The following HHIP variants were observed in gnomAD, a reference collection of about 807,000 sequenced individuals.
HHIP encodes hedgehog-interacting protein.
HHIP carries 12 observed loss-of-function variants against 74.0 expected under a neutral mutation model. That is an observed-to-expected ratio of 0.16 (90% CI 0.10 to 0.26). HHIP has a LOEUF of 0.26. Among genes scored for constraint, HHIP ranks in the 10% least tolerant of loss-of-function variants. The probability of loss-of-function intolerance (pLI) is 1.00; values close to 1 mark genes in which losing one functional copy is unlikely to be tolerated. For missense variants in HHIP, 788 were observed against 845.0 expected (o/e 0.93, Z 0.84); for synonymous variants, 309 against 311.6 (o/e 0.99, Z 0.09).
In HHIP at chr4:144,735,812, C is replaced by G. The variant is rs372560869; in HGVS notation, c.1909+923C>G. On this transcript the variant is annotated intron_variant, in intron 12 of 12. Transcript: ENST00000296575. ...TATAACTTGTCTATTTTTATATTGC[C>G]TAACAAAAAAACCAACATTTAAAAC... Among the ~76,000 whole-genome samples the G allele has an allele frequency of 2.0e-5, 3 of 151,764 alleles. No individual in the cohort carries two copies. The East Asian group carries it at 5.8e-4, about 29-fold the overall frequency.
intron 1 of HHIP, chr4:144,650,657 A>G (rs1197328232): frequency 6.6e-6 from 1 of 152,130 alleles, no homozygotes; most frequent in African/African-American, 2.4e-5. Context: ...ATCTTCAAAT[A>G]GGTATTTACA....
Position 144,734,778 on chromosome 4 carries a change from C to T in HHIP, c.1798C>T (p.Pro600Ser), listed in dbSNP as rs201501756. Residue 600 changes from proline to serine, a missense_variant, in exon 12 of 13, where the codon CCT becomes TCT. By Grantham distance (74) the Pro-to-Ser change is moderately conservative (BLOSUM62 -1). Coordinates refer to ENST00000296575, the MANE Select transcript of HHIP (RefSeq NM_022475.3). ...MPEECRATVQ[P>S]AQTLTSECSR... ...TGAGGAATGCAGAGCCACGGTACAA[C>T]CTGCACAGACACTGACTTCAGAGTG... The T allele has an allele frequency of 1.6e-5, 25 of 1,609,894 alleles. No individual in the cohort carries two copies. The highest frequency in any genetic ancestry group is 2.0e-5 in the Non-Finnish European group (24 of 1,176,958).
chr4:144,650,217 C>G (rs1029834527), intron 1 of HHIP, among the ~76,000 whole-genome samples: 1 of 152,048 alleles, frequency 6.6e-6, no homozygotes, highest in Non-Finnish European at 1.5e-5. Context: ...TGTGTATCCC[C>G]TATTTATCTT....
intron 2 of HHIP, among the ~76,000 whole-genome samples, chr4:144,655,753 CT>C (rs1021442702): frequency 5.3e-5 from 8 of 151,088 alleles, no homozygotes; most frequent in Non-Finnish European, 8.9e-5. Flanking sequence ...GAGTCAGTAA[CT>C]TTTTTTTCCT....
chr4:144,674,787 C>A (rs1380367902), intron 4 of HHIP, among the ~76,000 whole-genome samples: 1 of 152,136 alleles, frequency 6.6e-6, no homozygotes, highest in African/African-American at 2.4e-5. Flanking sequence ...CCCACTTAAT[C>A]ATGCTTCTTA....
At chr4:144,670,764 G>GAAAAAAAAAAAAAAAAAAAA (rs1167213848) in intron 4 of HHIP, among the ~76,000 whole-genome samples, 1 of 54,888 alleles carries the variant, frequency 1.8e-5, no homozygotes, top group Non-Finnish European at 3.2e-5. Flanking sequence ...CTTAAGATTT[G>GAAAAAAAAAAAAAAAAAAAA]AAAAAAAAAA....
chr4:144,649,631 C>A (rs900825600), intron 1 of HHIP, among the ~76,000 whole-genome samples: 4 of 152,156 alleles, frequency 2.6e-5, no homozygotes, highest in Admixed American at 2.6e-4. Flanking sequence ...GAATCTGCAA[C>A]CAACTGAAAT....
Position 144,707,174 on chromosome 4 carries a change from G to C in HHIP, c.1071G>C (p.Leu357=). The C allele has an allele frequency of 6.2e-7, 1 of 1,613,964 alleles. No individual in the cohort carries two copies. The highest frequency in any genetic ancestry group is 8.5e-7 in the Non-Finnish European group (1 of 1,179,866). ...ELHRKHLGGQ[L]LFGPDGFLYI... Reference sequence around the variant, plus strand: ...ACAGAAAGCATCTGGGAGGACAACTGCTCTTTGGCCCTGACGGCTTTTTGT... The same window carrying C: ...ACAGAAAGCATCTGGGAGGACAACTCCTCTTTGGCCCTGACGGCTTTTTGT... Residue 357 remains leucine, a synonymous_variant, in exon 6 of 13, where the codon CTG becomes CTC. Transcript: ENST00000296575.
intron 4 of HHIP, among the ~76,000 whole-genome samples, chr4:144,666,285 G>C (rs1477581385): frequency 6.8e-6 from 1 of 146,976 alleles, no homozygotes; most frequent in Non-Finnish European, 1.5e-5. Flanking sequence ...GTGTGTGTGT[G>C]TGTGTGTGTG....
At chr4:144,660,593 A>G (rs991182483) in intron 4 of HHIP, among the ~76,000 whole-genome samples, 3 of 152,132 alleles carry the variant, frequency 2.0e-5, no homozygotes, top group East Asian at 1.9e-4. Flanking sequence ...CTGAAAAAAA[A>G]AAACCTGAAG....
At chr4:144,719,825 A>T (rs1296033250) in intron 11 of HHIP, among the ~76,000 whole-genome samples, 1 of 152,216 alleles carries the variant, frequency 6.6e-6, no homozygotes, top group East Asian at 1.9e-4. Flanking sequence ...TACTATTTTC[A>T]TGACTCCATT....
chr4:144,693,840 T>C (rs1200480852), intron 4 of HHIP, among the ~76,000 whole-genome samples: 1 of 151,896 alleles, frequency 6.6e-6, no homozygotes, highest in African/African-American at 2.4e-5. Context: ...TGGTCAGAAA[T>C]ATATATTATT....
intron 1 of HHIP, among the ~76,000 whole-genome samples, chr4:144,650,174 G>C (rs1385956681): frequency 6.6e-6 from 1 of 152,014 alleles, no homozygotes; most frequent in African/African-American, 2.4e-5. Flanking sequence ...TTTACTATTT[G>C]TTGATAAGCT....
At chr4:144,652,947 T>C (rs1728463466) in intron 2 of HHIP, 150 bp downstream of exon 2, 1 of 558,550 alleles carries the variant, frequency 1.8e-6, no homozygotes. Context: ...TCCAAATTTA[T>C]AACTTTTACT....
Position 144,734,726 on chromosome 4 carries a change from T to G in HHIP, c.1761-15T>G. On this transcript the variant is annotated splice_polypyrimidine_tract_variant and intron_variant, in intron 11 of 12. Transcript: ENST00000296575. ...TCAAATGGAATACACTTTCAACTAT[T>G]GTGTTTTAATGTAGACCTTTAATGC... 1 of 1,526,262 alleles carries G rather than the reference T, an allele frequency of 6.6e-7. No individual in the cohort carries two copies. Among genetic ancestry groups the G allele is most frequent in the Non-Finnish European group, 8.9e-7 (1 of 1,118,546 alleles). 94.5% of individuals were successfully genotyped at this position (1,526,262 alleles called of 1,614,324 possible).
chr4:144,666,974 A>G (rs1728881549), intron 4 of HHIP, among the ~76,000 whole-genome samples: 1 of 152,206 alleles, frequency 6.6e-6, no homozygotes. Flanking sequence ...ACATACTAAC[A>G]TAAAAAGGAG....
At position 144,738,341 on chromosome 4, in the gene HHIP, G is replaced by C; in HGVS notation, c.*384G>C. 2 of 981,606 alleles carry C rather than the reference G, an allele frequency of 2.0e-6. No homozygotes were observed. Among genetic ancestry groups the C allele is most frequent in the East Asian group, 1.1e-4 (1 of 8,830 alleles). 60.8% of individuals were successfully genotyped at this position (981,606 alleles called of 1,614,324 possible). ...CTAAAGTCAACTTTAATAGAGTTTTGAAACAGTACTGTGCAATCCGATGGA... is the reference window on the plus strand; with the variant it reads ...CTAAAGTCAACTTTAATAGAGTTTTCAAACAGTACTGTGCAATCCGATGGA... On this transcript the variant is annotated 3_prime_UTR_variant, in exon 13 of 13. Transcript: ENST00000296575.
intron 8 of HHIP, 113 bp from the exon 9 acceptor site, chr4:144,714,112 T>C (rs1306678182): frequency 1.1e-6 from 1 of 870,122 alleles, no homozygotes; most frequent in African/African-American, 1.7e-5. Flanking sequence ...CCCTTTGGTG[T>C]ATCATAGAAC....
chr4:144,723,195 C>G (rs1730685762), intron 11 of HHIP, among the ~76,000 whole-genome samples: 1 of 152,064 alleles, frequency 6.6e-6, no homozygotes, highest in Non-Finnish European at 1.5e-5. Context: ...TATCATTTAT[C>G]TGTTACCCAA....
Sources: gnomAD v4.1 joint callset for allele counts (sites outside exome capture counted in the v4.1 genomes callset) on GRCh38, gnomAD v4.1.1 for gene constraint, MANE v1.5 for transcripts, NCBI Gene and HGNC (gene_info 2026-07-23, HGNC 2026-07-21) for gene names.